GOLPH3: variants seen among roughly 807,000 people sequenced by gnomAD.
GOLPH3 encodes the protein coat protein GPP34.
GOLPH3 carries 14 observed loss-of-function variants against 28.5 expected under a neutral mutation model. The observed-to-expected ratio is 0.49, with a 90% confidence interval of 0.32 to 0.77. The LOEUF (loss-of-function observed/expected upper bound fraction) is 0.77, where lower values mean the gene tolerates loss of function less well. GOLPH3 is among the 30% of genes least tolerant of loss of function. The pLI is 0.03. For missense variants in GOLPH3, 350 were observed against 393.7 expected, an observed-to-expected ratio of 0.89 and a Z score of 0.94; for synonymous variants, 158 against 159.2, an observed-to-expected ratio of 0.99 and a Z score of 0.06.
intron 1 of GOLPH3, among the ~76,000 whole-genome samples, chr5:32,165,404 G>A (rs527681599): frequency 3.9e-5 from 6 of 152,208 alleles, no homozygotes; most frequent in African/African-American, 1.2e-4. Context: ...CCAACATGGC[G>A]AAACCTTGTC....
At chr5:32,141,891 C>G (rs1395842598) in intron 2 of GOLPH3, among the ~76,000 whole-genome samples, 1 of 89,958 alleles carries the variant, frequency 1.1e-5, no homozygotes, top group Non-Finnish European at 2.2e-5. Context: ...GACGGAGTCT[C>G]GTTCACTCAG....
intron 1 of GOLPH3, among the ~76,000 whole-genome samples, chr5:32,162,766 G>A (rs1746615150): frequency 6.6e-6 from 1 of 152,146 alleles, no homozygotes; most frequent in African/African-American, 2.4e-5. Context: ...CAACTTAGAG[G>A]CTTTCGGACA....
chr5:32,163,636 A>C (rs955027954), intron 1 of GOLPH3, among the ~76,000 whole-genome samples: 5 of 151,960 alleles, frequency 3.3e-5, no homozygotes, highest in Non-Finnish European at 7.4e-5. Context: ...CTGGCGACAG[A>C]GCATGACTTG....
chr5:32,138,918 A>C (rs1745997421), intron 2 of GOLPH3, among the ~76,000 whole-genome samples: 1 of 152,246 alleles, frequency 6.6e-6, no homozygotes, highest in Non-Finnish European at 1.5e-5. Context: ...CCTCAGGAGA[A>C]AAAGTTACAT....
chr5:32,158,708 T>C (rs1178288685), intron 1 of GOLPH3, among the ~76,000 whole-genome samples: 1 of 152,180 alleles, frequency 6.6e-6, no homozygotes. Flanking sequence ...TTACACAGAC[T>C]TCTCAGGTAC....
At chr5:32,131,975 T>C (rs913620988) in intron 3 of GOLPH3, among the ~76,000 whole-genome samples, 2 of 152,126 alleles carry the variant, frequency 1.3e-5, no homozygotes, top group Non-Finnish European at 2.9e-5. Context: ...GGCAACATGA[T>C]GAAACCCCAT....
intron 1 of GOLPH3, among the ~76,000 whole-genome samples, chr5:32,147,833 G>T (rs1041107710): frequency 6.6e-6 from 1 of 152,104 alleles, no homozygotes; most frequent in Non-Finnish European, 1.5e-5. Context: ...AAAGAACTGT[G>T]CTCAAGAGCC....
intron 2 of GOLPH3, among the ~76,000 whole-genome samples, chr5:32,142,614 C>T (rs1581543646): frequency 1.5e-5 from 2 of 137,396 alleles, no homozygotes; most frequent in African/African-American, 5.5e-5. Flanking sequence ...GGGTCAGCCC[C>T]CTGCCCGGCC....
chr5:32,171,035 A>C (rs1194198397), intron 1 of GOLPH3, among the ~76,000 whole-genome samples: 1 of 152,162 alleles, frequency 6.6e-6, no homozygotes, highest in Non-Finnish European at 1.5e-5. Flanking sequence ...TAAACAGAAC[A>C]CATGGTTTCA....
In GOLPH3 at chr5:32,174,281, A is replaced by C; in HGVS notation, c.-247T>G. 1 of 346,712 alleles carries C rather than the reference A, an allele frequency of 2.9e-6. No individual in the cohort carries two copies. The highest frequency in any genetic ancestry group is 5.2e-6 in the Non-Finnish European group (1 of 193,390). The allele number at this position is 346,712 out of a possible 1,614,324, so 21.5% of individuals were successfully genotyped here. On this transcript the variant is annotated 5_prime_UTR_variant, in exon 1 of 4. Transcript: ENST00000265070. ...TGGCCGCAGTCCCCGAAACACCCCG[A>C]GCTCCAAGGCGGAGGCGGCGGCGGC...
rs571863251 is a variant in GOLPH3 at position 32,128,417 on chromosome 5, G to C, written c.473-1781C>G. On this transcript the variant is annotated intron_variant, in intron 3 of 3. Transcript: ENST00000265070. ...TCAAACCTGTAATCCCAGCACTGTG[G>C]GTAGCCCAGACGGGTGGATCACCTG... 2.6e-5 allele frequency among the ~76,000 whole-genome samples: 4 copies of C among 152,292 alleles called. No homozygotes were observed. The South Asian group carries it at 8.3e-4, about 32-fold the overall frequency.
intron 2 of GOLPH3, among the ~76,000 whole-genome samples, chr5:32,141,863 C>T (rs6890793): frequency 5.3e-4 from 80 of 150,792 alleles, no homozygotes; most frequent in African/African-American, 1.8e-3. Context: ...CTCGGCCTCC[C>T]GAGGTGCCGG....
chr5:32,169,035 A>G (rs1043982761), intron 1 of GOLPH3, among the ~76,000 whole-genome samples: 8 of 152,042 alleles, frequency 5.3e-5, no homozygotes, highest in African/African-American at 1.2e-4. Context: ...GCACTTTGGG[A>G]GACTGAAGCG....
chr5:32,129,044 T>C (rs964829721), intron 3 of GOLPH3, among the ~76,000 whole-genome samples: 2 of 152,088 alleles, frequency 1.3e-5, no homozygotes, highest in Non-Finnish European at 1.5e-5. Context: ...TAGCCAGGCA[T>C]GGTAGCAGGT....
chr5:32,147,414 C>T (rs1746202508), intron 1 of GOLPH3, among the ~76,000 whole-genome samples: 1 of 150,346 alleles, frequency 6.7e-6, no homozygotes, highest in Non-Finnish European at 1.5e-5. Flanking sequence ...AGCCTGGTGA[C>T]AGAGCAAGAC....
intron 1 of GOLPH3, among the ~76,000 whole-genome samples, chr5:32,157,360 T>G (rs1466754071): frequency 1.3e-5 from 2 of 152,204 alleles, no homozygotes; most frequent in Non-Finnish European, 2.9e-5. Flanking sequence ...ACATACCATG[T>G]GCAAAGCACT....
intron 1 of GOLPH3, among the ~76,000 whole-genome samples, chr5:32,149,353 G>A (rs775334824): frequency 7.9e-5 from 12 of 152,302 alleles, no homozygotes; most frequent in Non-Finnish European, 1.8e-4. Flanking sequence ...CCCAGGGCTG[G>A]CAAAATGGGA....
intron 1 of GOLPH3, among the ~76,000 whole-genome samples, chr5:32,146,479 T>G (rs925856610): frequency 1.2e-4 from 18 of 152,064 alleles, no homozygotes; most frequent in Non-Finnish European, 2.2e-4. Context: ...TTCTTTCAAG[T>G]GGCTCAATTT....
At chr5:32,157,075 T>C (rs200127521) in intron 1 of GOLPH3, among the ~76,000 whole-genome samples, 1 of 152,212 alleles carries the variant, frequency 6.6e-6, no homozygotes, top group East Asian at 1.9e-4. Flanking sequence ...GAATGTATTT[T>C]TTCACAGAAG....
Sources: allele counts gnomAD v4.1 joint callset (sites outside exome capture counted in the v4.1 genomes callset), GRCh38; gene constraint gnomAD v4.1.1; transcripts MANE v1.5; gene names NCBI Gene and HGNC (gene_info 2026-07-23, HGNC 2026-07-21).